The following STXBP5L variants were observed in gnomAD, a reference collection of about 807,000 sequenced individuals.
The protein encoded by STXBP5L is syntaxin binding protein 5L.
In STXBP5L, 65 loss-of-function variants were observed where a neutral mutation model predicts 144.5. The ratio of observed to expected loss-of-function variants is 0.45; its 90% CI spans 0.37 to 0.55. The LOEUF (loss-of-function observed/expected upper bound fraction) is 0.55, where lower values mean the gene tolerates loss of function less well. STXBP5L is among the 20% of genes least tolerant of loss of function. STXBP5L has a pLI of 0.00. For missense variants in STXBP5L, 1,298 were observed against 1,405.5 expected, an observed-to-expected ratio of 0.92 and a Z score of 1.22; for synonymous variants, 505 against 469.6, an observed-to-expected ratio of 1.08 and a Z score of -0.97.
chr3:121,001,403 C>T (rs756560210), intron 3 of STXBP5L, among the ~76,000 whole-genome samples: 3 of 152,178 alleles, frequency 2.0e-5, no homozygotes, highest in South Asian at 2.1e-4. Flanking sequence ...CCCACAGGCA[C>T]GATAGCTCTG....
At chr3:121,393,273 G>A (rs1334430114) in intron 22 of STXBP5L, among the ~76,000 whole-genome samples, 1 of 151,490 alleles carries the variant, frequency 6.6e-6, no homozygotes, top group Non-Finnish European at 1.5e-5. Context: ...TTTTTAATGG[G>A]GTTATTTGTG....
chr3:121,415,847 T>C lies in STXBP5L; in HGVS notation c.3115-10T>C. 6.3e-7 allele frequency: 1 copy of C among 1,577,288 alleles called. No homozygotes were observed. Among genetic ancestry groups the C allele is most frequent in the South Asian group, 1.2e-5 (1 of 85,824 alleles). The stretch of plus-strand genomic sequence containing the variant: ...TTGTTCTAATGCTTTTTTCTGTGAA[T>C]TTGATGCAGGACATGCTAGGAGATT... On this transcript the variant is annotated splice_polypyrimidine_tract_variant and intron_variant, in intron 24 of 26. Coordinates refer to ENST00000471454, the MANE Select transcript of STXBP5L (RefSeq NM_001308330.2).
intron 20 of STXBP5L, among the ~76,000 whole-genome samples, chr3:121,340,635 T>C (rs191748507): frequency 4.2e-4 from 64 of 152,244 alleles, no homozygotes; most frequent in Non-Finnish European, 7.5e-4. Flanking sequence ...TTCAACTTCA[T>C]CCATGTTCCT....
intron 22 of STXBP5L, among the ~76,000 whole-genome samples, chr3:121,391,518 G>T (rs916400172): frequency 6.6e-6 from 1 of 152,170 alleles, no homozygotes; most frequent in Non-Finnish European, 1.5e-5. Context: ...CCCCATCTTT[G>T]TGGTTTTATC....
Position 120,923,651 on chromosome 3 carries a change from A to G in STXBP5L, c.189+13884A>G, listed in dbSNP as rs114697692. On this transcript the variant is annotated intron_variant, in intron 2 of 26. Transcript: ENST00000471454. ...TCCTGTGTTTGTGTAGTTTCTGAGG[A>G]TCCTCTTGTTACTGATTTTTAGTTT... is the stretch of plus-strand genomic sequence containing the variant. Among the ~76,000 whole-genome samples the G allele has an allele frequency of 4.6e-3, 698 of 151,826 alleles. 6 individuals carry two copies. The highest frequency in any genetic ancestry group is 0.016 in the African/African-American group (659 of 41,400).
chr3:121,355,505 G>A (rs1379709466), intron 20 of STXBP5L, among the ~76,000 whole-genome samples: 1 of 152,028 alleles, frequency 6.6e-6, no homozygotes, highest in African/African-American at 2.4e-5. Flanking sequence ...CATGCATCAC[G>A]AATTTCTCGT....
At chr3:120,981,935 T>A (rs893971083) in intron 3 of STXBP5L, among the ~76,000 whole-genome samples, 1 of 152,216 alleles carries the variant, frequency 6.6e-6, no homozygotes, top group East Asian at 1.9e-4. Context: ...AGGTACTGTA[T>A]GAGTTCCTTG....
intron 3 of STXBP5L, among the ~76,000 whole-genome samples, chr3:121,034,553 TATCCATCC>T (rs201153917): frequency 6.6e-6 from 1 of 151,728 alleles, no homozygotes; most frequent in Admixed American, 6.6e-5. Flanking sequence ...ATCATCTATC[TATCCATCC>T]ATCCATCCAT....
Position 120,909,640 on chromosome 3 carries a change from G to T in STXBP5L, c.62G>T (p.Gly21Val), listed in dbSNP as rs1348245613. The change falls in exon 2 of 27, where the codon GGT becomes GTT. Residue 21 changes from glycine (G) to valine (V), a missense_variant. Gly to Val is a moderately radical substitution (Grantham distance 109, BLOSUM62 -3). Coordinates refer to ENST00000471454, the MANE Select transcript of STXBP5L (RefSeq NM_001308330.2). ...DGLTASSPGS[G>V]SSSGSNSGGG... ...TTAACTGCCTCCTCCCCTGGCAGTGGTAGCAGCAGTGGCAGTAACAGTGGT... is the reference window on the plus strand; with the variant it reads ...TTAACTGCCTCCTCCCCTGGCAGTGTTAGCAGCAGTGGCAGTAACAGTGGT... The T allele has an allele frequency of 1.2e-6, 2 of 1,613,550 alleles. No homozygotes were observed. The highest frequency in any genetic ancestry group is 1.1e-5 in the South Asian group (1 of 91,052).
intron 6 of STXBP5L, among the ~76,000 whole-genome samples, chr3:121,115,999 A>G (rs1474211361): frequency 1.3e-5 from 2 of 152,152 alleles, no homozygotes; most frequent in African/African-American, 2.4e-5. Context: ...CCATGATCCA[A>G]ATACCTCCCA....
At chr3:121,344,688 TAA>T (rs2044879394) in intron 20 of STXBP5L, among the ~76,000 whole-genome samples, 1 of 151,966 alleles carries the variant, frequency 6.6e-6, no homozygotes, top group Non-Finnish European at 1.5e-5. Context: ...AAGTACCCAA[TAA>T]AAGAGTTAAT....
At chr3:121,057,943 C>G (rs1024064384) in intron 5 of STXBP5L, among the ~76,000 whole-genome samples, 7 of 151,542 alleles carry the variant, frequency 4.6e-5, no homozygotes, top group Non-Finnish European at 1.0e-4. Context: ...TAACACCTTG[C>G]TCTTTTATTT....
At chr3:121,244,668 T>C (rs1162441750) in intron 14 of STXBP5L, among the ~76,000 whole-genome samples, 2 of 151,408 alleles carry the variant, frequency 1.3e-5, no homozygotes, top group Non-Finnish European at 2.9e-5. Context: ...AAAAAGAAAA[T>C]CTTGAAAGCA....
chr3:121,157,599 T>A lies in STXBP5L; in HGVS notation c.849T>A (p.Ser283Arg). 6.2e-7 allele frequency: 1 copy of A among 1,603,836 alleles called. No homozygotes were observed. The highest frequency in any genetic ancestry group is 1.1e-5 in the South Asian group (1 of 89,218). ...SLTLWNLKSPSRPFQTTIPHG... is the reference protein window; with the variant it reads ...SLTLWNLKSPRRPFQTTIPHG... Reference sequence around the variant, plus strand: ...CTTTATGGAACCTGAAAAGCCCAAGTCGCCCTTTCCAGACCACAATTCCAC... The same window carrying A: ...CTTTATGGAACCTGAAAAGCCCAAGACGCCCTTTCCAGACCACAATTCCAC... Residue 283 changes from serine (S) to arginine (R), a missense_variant, in exon 9 of 27, where the codon AGT (serine) becomes AGA (arginine). Ser to Arg is a moderately radical substitution (Grantham distance 110). Transcript: ENST00000471454.
intron 5 of STXBP5L, among the ~76,000 whole-genome samples, chr3:121,051,922 C>G (rs1417136496): frequency 6.6e-6 from 1 of 151,180 alleles, no homozygotes; most frequent in Non-Finnish European, 1.5e-5. Context: ...ACCGATCCCA[C>G]AGAAATACCA....
At chr3:121,034,982 T>C (rs1481546061) in intron 3 of STXBP5L, among the ~76,000 whole-genome samples, 1 of 152,186 alleles carries the variant, frequency 6.6e-6, no homozygotes, top group African/African-American at 2.4e-5. Flanking sequence ...TGTAGAGCAT[T>C]TTTTATATAC....
At chr3:121,128,986 T>C (rs1237748839) in intron 7 of STXBP5L, among the ~76,000 whole-genome samples, 1 of 152,088 alleles carries the variant, frequency 6.6e-6, no homozygotes, top group Non-Finnish European at 1.5e-5. Context: ...TGTTTAGTTT[T>C]CAGGACTGTT....
At chr3:121,222,343 T>G (rs1449127983) in intron 10 of STXBP5L, among the ~76,000 whole-genome samples, 1 of 152,078 alleles carries the variant, frequency 6.6e-6, no homozygotes, top group Non-Finnish European at 1.5e-5. Context: ...AGACCAAAAA[T>G]CTTGTTTAAA....
chr3:121,155,733 T>A (rs2046090827), intron 8 of STXBP5L, among the ~76,000 whole-genome samples: 1 of 151,886 alleles, frequency 6.6e-6, no homozygotes, highest in Non-Finnish European at 1.5e-5. Context: ...ATGCACTATA[T>A]GAGACCCTGA....
Sources: allele counts gnomAD v4.1 joint callset (sites outside exome capture counted in the v4.1 genomes callset), GRCh38; gene constraint gnomAD v4.1.1; transcripts MANE v1.5; gene names NCBI Gene and HGNC (gene_info 2026-07-23, HGNC 2026-07-21).